The following CHRM3 variants were observed in gnomAD, a reference collection of about 807,000 sequenced individuals.
The protein encoded by CHRM3 is cholinergic receptor muscarinic 3.
Under a neutral mutation model 41.8 loss-of-function variants are expected in CHRM3, and 11 were observed. The ratio of observed to expected loss-of-function variants is 0.26; its 90% confidence interval spans 0.17 to 0.44. The LOEUF is 0.44. CHRM3 is among the 20% of genes least tolerant of loss of function. The probability of loss-of-function intolerance (pLI) is 1.00; values close to 1 mark genes in which losing one functional copy is unlikely to be tolerated. For missense variants in CHRM3, 571 were observed against 745.4 expected (o/e 0.77, Z 2.72); for synonymous variants, 297 against 301.4 (o/e 0.99, Z 0.15).
intron 3 of CHRM3, among the ~76,000 whole-genome samples, chr1:239,621,944 AG>A (rs1482096313): frequency 6.6e-6 from 1 of 152,136 alleles, no homozygotes; most frequent in Non-Finnish European, 1.5e-5. Context: ...AAAGTTTCAA[AG>A]GACAGGCTGA....
At chr1:239,817,525 C>T (rs1204214524) in intron 5 of CHRM3, among the ~76,000 whole-genome samples, 1 of 151,956 alleles carries the variant, frequency 6.6e-6, no homozygotes, top group Non-Finnish European at 1.5e-5. Flanking sequence ...TGCAATATCT[C>T]AAAGGCATGA....
intron 1 of CHRM3, among the ~76,000 whole-genome samples, chr1:239,476,077 GTT>G (rs36026730): frequency 2.0e-5 from 3 of 150,700 alleles, no homozygotes; most frequent in Non-Finnish European, 4.4e-5. Context: ...TTTCTAGTTA[GTT>G]TTTTTTTTGT....
Position 239,913,461 on chromosome 1 carries a change from T to G in CHRM3, c.*4237T>G, listed in dbSNP as rs1259377677. 6.0e-6 allele frequency: 1 copy of G among 167,026 alleles called. No homozygotes were observed. Among genetic ancestry groups the G allele is most frequent in the Non-Finnish European group, 1.5e-5 (1 of 68,118 alleles). The allele number at this position is 167,026 out of a possible 1,614,324, so 10.3% of individuals were successfully genotyped here. ...AGACAGTATCAACTCTAGCCCTTAATAGGTTCAAGGACAAGTTTACTGCTT... is the reference window on the plus strand; with the variant it reads ...AGACAGTATCAACTCTAGCCCTTAAGAGGTTCAAGGACAAGTTTACTGCTT... On this transcript the variant is annotated 3_prime_UTR_variant, in exon 7 of 7. Transcript: ENST00000676153.
chr1:239,887,932 G>T (rs560758988), intron 6 of CHRM3, among the ~76,000 whole-genome samples: 2 of 152,296 alleles, frequency 1.3e-5, no homozygotes, highest in African/African-American at 4.8e-5. Flanking sequence ...CACAAAGCTT[G>T]TATCTGTCCC....
chr1:239,553,100 G>A (rs1419937275), intron 3 of CHRM3, among the ~76,000 whole-genome samples: 2 of 151,976 alleles, frequency 1.3e-5, no homozygotes, highest in African/African-American at 4.8e-5. Flanking sequence ...ATACTGTTCT[G>A]TGTACACTAC....
chr1:239,751,353 T>C (rs657527), intron 5 of CHRM3, among the ~76,000 whole-genome samples: 149,247 of 152,266 alleles, frequency 0.98, 73,213 homozygotes, highest in East Asian at 1. Flanking sequence ...TATTCATTGT[T>C]GATTTCTATA....
At chr1:239,870,760 T>C (rs1212515775) in intron 6 of CHRM3, among the ~76,000 whole-genome samples, 1 of 152,184 alleles carries the variant, frequency 6.6e-6, no homozygotes, top group African/African-American at 2.4e-5. Flanking sequence ...ACAGAAGTGC[T>C]CTAAGGAGAT....
chr1:239,629,647 C>T (rs1469707163), intron 3 of CHRM3: 1 of 152,192 alleles, frequency 6.6e-6, no homozygotes, highest in African/African-American at 2.4e-5. Flanking sequence ...ATGTTTGTGA[C>T]TTACTTTATT....
In CHRM3 at chr1:239,846,456, G is replaced by A. The variant is rs541945809; in HGVS notation, c.-20+19078G>A. On this transcript the variant is annotated intron_variant, in intron 6 of 6. Coordinates refer to ENST00000676153, the MANE Select transcript of CHRM3 (RefSeq NM_001375978.1). Reference sequence around the variant, plus strand: ...CCTCAATATCACAGAAAGGATTCTCGGTCTAATGCACCAATGGATAAGCCA... The same window carrying A: ...CCTCAATATCACAGAAAGGATTCTCAGTCTAATGCACCAATGGATAAGCCA... Among the ~76,000 whole-genome samples the A allele has an allele frequency of 1.1e-4, 17 of 152,092 alleles. No individual in the cohort carries two copies. In the South Asian group the frequency reaches 3.1e-3, roughly 28 times the overall value.
At chr1:239,816,730 G>GTTTT in intron 5 of CHRM3, among the ~76,000 whole-genome samples, 1 of 101,728 alleles carries the variant, frequency 9.8e-6, no homozygotes. Flanking sequence ...CTGTGCCTCA[G>GTTTT]TCTTTTTTTT....
chr1:239,609,615 G>A (rs1306049831), intron 3 of CHRM3, among the ~76,000 whole-genome samples: 1 of 152,184 alleles, frequency 6.6e-6, no homozygotes, highest in Non-Finnish European at 1.5e-5. Context: ...TTCAGCAGCA[G>A]ATGACAATTC....
At chr1:239,692,760 A>C (rs1659838603) in intron 5 of CHRM3, among the ~76,000 whole-genome samples, 1 of 152,218 alleles carries the variant, frequency 6.6e-6, no homozygotes, top group African/African-American at 2.4e-5. Flanking sequence ...AACAGACAGC[A>C]ACCACCAATG....
At chr1:239,719,982 C>T (rs141366794) in intron 5 of CHRM3, among the ~76,000 whole-genome samples, 23 of 152,012 alleles carry the variant, frequency 1.5e-4, no homozygotes, top group African/African-American at 3.6e-4. Flanking sequence ...TAATTGCTTC[C>T]GAAAGCTTTG....
chr1:239,679,800 C>A (rs554937331), intron 5 of CHRM3, among the ~76,000 whole-genome samples: 1 of 152,204 alleles, frequency 6.6e-6, no homozygotes, highest in South Asian at 2.1e-4. Flanking sequence ...GGACAGTTCA[C>A]ATAAAAATCT....
At chr1:239,676,020 A>G (rs939366028) in intron 4 of CHRM3, among the ~76,000 whole-genome samples, 2 of 152,014 alleles carry the variant, frequency 1.3e-5, no homozygotes, top group Non-Finnish European at 1.5e-5. Flanking sequence ...TCCTTTTTGC[A>G]TTTTTAAGCC....
chr1:239,450,133 C>T (rs117677435), intron 1 of CHRM3, among the ~76,000 whole-genome samples: 1 of 152,160 alleles, frequency 6.6e-6, no homozygotes. Flanking sequence ...CCCTTCTATG[C>T]TCATTTCAAA....
chr1:239,591,787 C>T (rs1664183601), intron 3 of CHRM3, among the ~76,000 whole-genome samples: 2 of 152,120 alleles, frequency 1.3e-5, no homozygotes, highest in African/African-American at 4.8e-5. Context: ...GAAGTTTTAT[C>T]GAAGTAGCTG....
In CHRM3 at chr1:239,628,535, G is replaced by A. The variant is rs1302056804; in HGVS notation, c.-312-3689G>A. Reference sequence around the variant, plus strand: ...ATCATTCTCCATCCAGCTTTGTTCCGTTGCTGGTGAGGAACTGCGTTCCTT... The same window carrying A: ...ATCATTCTCCATCCAGCTTTGTTCCATTGCTGGTGAGGAACTGCGTTCCTT... On this transcript the variant is annotated intron_variant, in intron 3 of 6. Coordinates refer to ENST00000676153, the MANE Select transcript of CHRM3 (RefSeq NM_001375978.1). Among the ~76,000 whole-genome samples, 3 of 67,374 alleles carry A rather than the reference G, an allele frequency of 4.5e-5. 1 individual carries two copies. Among genetic ancestry groups the A allele is most frequent in the East Asian group, 5.2e-4 (1 of 1,920 alleles). 44.2% of individuals were successfully genotyped at this position (67,374 alleles called of 152,430 possible).
chr1:239,631,043 A>C (rs934900406), intron 3 of CHRM3, among the ~76,000 whole-genome samples: 5 of 152,058 alleles, frequency 3.3e-5, no homozygotes, highest in Non-Finnish European at 2.9e-5. Flanking sequence ...AGGGAGAGGG[A>C]GGCGCTAAAG....
Sources: allele counts gnomAD v4.1 joint callset (sites outside exome capture counted in the v4.1 genomes callset), GRCh38; gene constraint gnomAD v4.1.1; transcripts MANE v1.5; gene names NCBI Gene and HGNC (gene_info 2026-07-23, HGNC 2026-07-21).